PCCA: variants seen among roughly 807,000 people sequenced by gnomAD.
PCCA encodes propionyl-CoA carboxylase alpha chain, mitochondrial.
In PCCA, 74 loss-of-function variants were observed where a neutral mutation model predicts 101.3. The ratio of observed to expected loss-of-function variants is 0.73; its 90% CI spans 0.61 to 0.89. The LOEUF (loss-of-function observed/expected upper bound fraction) is 0.89. PCCA is among the 40% of genes least tolerant of loss of function. The probability of loss-of-function intolerance (pLI) is 0.00; values close to 1 mark genes in which losing one functional copy is unlikely to be tolerated. For missense variants in PCCA, 891 were observed against 907.0 expected (o/e 0.98, Z 0.23); for synonymous variants, 294 against 313.6 (o/e 0.94, Z 0.66).
At chr13:100,446,913 A>T (rs1035798479) in intron 20 of PCCA, among the ~76,000 whole-genome samples, 1 of 152,098 alleles carries the variant, frequency 6.6e-6, no homozygotes, top group African/African-American at 2.4e-5. Flanking sequence ...AGCGTTTTTC[A>T]TATCTTGAAA....
intron 19 of PCCA, among the ~76,000 whole-genome samples, chr13:100,392,108 G>A (rs888936499): frequency 1.5e-4 from 23 of 152,062 alleles, no homozygotes; most frequent in African/African-American, 5.3e-4. Context: ...ACTAAAATAG[G>A]AGCTTTGTAA....
At chr13:100,518,068 G>C (rs2086969295) in intron 22 of PCCA, among the ~76,000 whole-genome samples, 1 of 152,140 alleles carries the variant, frequency 6.6e-6, no homozygotes, top group African/African-American at 2.4e-5. Context: ...TTTATGGGTG[G>C]GAAGATAATG....
intron 6 of PCCA, among the ~76,000 whole-genome samples, chr13:100,176,470 A>G (rs2056247079): frequency 6.6e-6 from 1 of 152,190 alleles, no homozygotes; most frequent in Non-Finnish European, 1.5e-5. Flanking sequence ...GCAAGAAGGT[A>G]CGTTTTGATA....
chr13:100,150,735 C>T (rs773742113), intron 4 of PCCA: 21 of 1,585,880 alleles, frequency 1.3e-5, no homozygotes, highest in Admixed American at 1.7e-5. Flanking sequence ...TCTTCACCAA[C>T]CCAGTAAGAA....
In PCCA at chr13:100,245,961, C is replaced by T. The variant is rs1345944873; in HGVS notation, c.637+10083C>T. 9.2e-5 allele frequency among the ~76,000 whole-genome samples: 14 copies of T among 152,310 alleles called. No individual in the cohort carries two copies. The South Asian group carries it at 1.2e-3, about 14-fold the overall frequency. ...AGCCAAGGGAAAAGTTGAATTGATT[C>T]TCTCTCAACAAAGCCATCAGCTAAT... On this transcript the variant is annotated intron_variant, in intron 8 of 23. Transcript: ENST00000376285.
chr13:100,299,363 A>G (rs540545779), intron 12 of PCCA, among the ~76,000 whole-genome samples: 9 of 152,334 alleles, frequency 5.9e-5, no homozygotes, highest in African/African-American at 2.2e-4. Context: ...AAACCTTCAT[A>G]GTAATATGCT....
chr13:100,479,936 T>C (rs1356170351), intron 21 of PCCA, among the ~76,000 whole-genome samples: 2 of 152,196 alleles, frequency 1.3e-5, no homozygotes, highest in Non-Finnish European at 2.9e-5. Context: ...AGGTACCCCC[T>C]TGCCTACCTG....
At chr13:100,422,102 C>T (rs1242322524) in intron 19 of PCCA, among the ~76,000 whole-genome samples, 1 of 120,132 alleles carries the variant, frequency 8.3e-6, no homozygotes, top group Non-Finnish European at 1.7e-5. Flanking sequence ...TTCTTTCTTT[C>T]TTTCTTTCTT....
chr13:100,123,262 C>A (rs965110262), intron 4 of PCCA, among the ~76,000 whole-genome samples: 11 of 152,110 alleles, frequency 7.2e-5, no homozygotes, highest in African/African-American at 2.7e-4. Context: ...ACCATATTGG[C>A]CAGGCTGGTC....
intron 4 of PCCA, among the ~76,000 whole-genome samples, chr13:100,146,687 T>C (rs1010453518): frequency 2.0e-5 from 3 of 152,166 alleles, no homozygotes; most frequent in Non-Finnish European, 2.9e-5. Context: ...AAATGAATCA[T>C]TTTTCTCCAT....
At chr13:100,182,012 T>G (rs2056834098) in intron 6 of PCCA, among the ~76,000 whole-genome samples, 2 of 151,198 alleles carry the variant, frequency 1.3e-5, no homozygotes, top group South Asian at 4.2e-4. Context: ...GTGATCTGCT[T>G]GTCTTGATTC....
intron 6 of PCCA, among the ~76,000 whole-genome samples, chr13:100,172,452 G>A (rs2055783389): frequency 6.6e-6 from 1 of 151,882 alleles, no homozygotes; most frequent in African/African-American, 2.4e-5. Context: ...TTGTCTTTTA[G>A]ACATATTTGT....
chr13:100,403,989 A>G (rs1159308056), intron 19 of PCCA, among the ~76,000 whole-genome samples: 2 of 152,062 alleles, frequency 1.3e-5, no homozygotes, highest in African/African-American at 4.8e-5. Context: ...AAGGACAAAG[A>G]CCGATCTTAA....
At chr13:100,204,374 G>C (rs990975721) in intron 6 of PCCA, among the ~76,000 whole-genome samples, 2 of 152,076 alleles carry the variant, frequency 1.3e-5, no homozygotes, top group African/African-American at 2.4e-5. Context: ...TCCTGAGCTC[G>C]TGCAGCTCAC....
intron 8 of PCCA, among the ~76,000 whole-genome samples, chr13:100,243,746 A>G (rs1226772342): frequency 6.6e-6 from 1 of 152,100 alleles, no homozygotes; most frequent in Non-Finnish European, 1.5e-5. Context: ...TTATTTTACT[A>G]TTAGTCTTCT....
chr13:100,093,533 C>T (rs944396995), intron 1 of PCCA, among the ~76,000 whole-genome samples: 2 of 152,076 alleles, frequency 1.3e-5, no homozygotes, highest in African/African-American at 4.8e-5. Flanking sequence ...TTCTAAGTTC[C>T]AGGTACTATG....
chr13:100,092,335 G>C (rs1313789219), intron 1 of PCCA, among the ~76,000 whole-genome samples: 1 of 151,886 alleles, frequency 6.6e-6, no homozygotes, highest in Non-Finnish European at 1.5e-5. Context: ...ATTGGCTGAA[G>C]TAGAATTTGA....
At chr13:100,154,682 A>G in intron 4 of PCCA, 2 of 365,838 alleles carry the variant, frequency 5.5e-6, no homozygotes, top group South Asian at 4.7e-5. Flanking sequence ...AAATTTATGT[A>G]TTGATGAACG....
rs61970474 is a variant in PCCA, at chr13:100,327,336, T to G, written c.1430-3225T>G. On this transcript the variant is annotated intron_variant, in intron 16 of 23. Transcript: ENST00000376285. ...GAATTATACATTATTATGCATTATTTTTGGTCTTGCTTTTTTAACTCAGCA... is the reference window on the plus strand; with the variant it reads ...GAATTATACATTATTATGCATTATTGTTGGTCTTGCTTTTTTAACTCAGCA... Among the ~76,000 whole-genome samples, 869 of 152,038 alleles carry G rather than the reference T, an allele frequency of 5.7e-3. 4 individuals carry two copies. Among genetic ancestry groups the G allele is most frequent in the Non-Finnish European group, 7.5e-3 (512 of 67,892 alleles).
Sources: gnomAD v4.1 joint callset for allele counts (sites outside exome capture counted in the v4.1 genomes callset) on GRCh38, gnomAD v4.1.1 for gene constraint, MANE v1.5 for transcripts, NCBI Gene and HGNC (gene_info 2026-07-23, HGNC 2026-07-21) for gene names.